CARMIL1: variants seen among roughly 807,000 people sequenced by gnomAD.
The protein encoded by CARMIL1 is capping protein regulator and myosin 1 linker 1, also known as F-actin-uncapping protein LRRC16A.
Under a neutral mutation model 177.1 loss-of-function variants are expected in CARMIL1, and 90 were observed. The ratio of observed to expected loss-of-function variants is 0.51; its 90% CI spans 0.43 to 0.61. CARMIL1 has a LOEUF of 0.61. Among genes scored for constraint, CARMIL1 ranks in the 20% least tolerant of loss-of-function variants. The pLI, the probability that CARMIL1 is intolerant of heterozygous loss-of-function variation, is 0.00. For missense variants in CARMIL1, 1,380 were observed against 1,667.0 expected (o/e 0.83, Z 3.00); for synonymous variants, 577 against 606.2 (o/e 0.95, Z 0.71).
chr6:25,463,853 C>T (rs1388807227), intron 8 of CARMIL1, among the ~76,000 whole-genome samples: 3 of 118,606 alleles, frequency 2.5e-5, no homozygotes, highest in Admixed American at 1.0e-4. Flanking sequence ...GACGGAGTCT[C>T]GCTCTGTCGC....
chr6:25,525,222 T>G (rs1437977975), intron 23 of CARMIL1, among the ~76,000 whole-genome samples: 1 of 152,084 alleles, frequency 6.6e-6, no homozygotes, highest in Non-Finnish European at 1.5e-5. Flanking sequence ...AGAAAATCTT[T>G]AGAGAACATA....
chr6:25,409,640 C>T (rs948416843), intron 2 of CARMIL1, among the ~76,000 whole-genome samples: 31 of 152,110 alleles, frequency 2.0e-4, no homozygotes, highest in African/African-American at 5.3e-4. Context: ...CATATGGTAC[C>T]GTATGCTAGT....
In CARMIL1 at chr6:25,529,949, G is replaced by A. The variant is rs1240309986; in HGVS notation, c.2067+1056G>A. Reference sequence around the variant, plus strand: ...ACCTTTATAGCTTATAATAAAAAAAGACATTAAAAATATGAAAGCAAAGTA... The same window carrying A: ...ACCTTTATAGCTTATAATAAAAAAAAACATTAAAAATATGAAAGCAAAGTA... On this transcript the variant is annotated intron_variant, in intron 24 of 36. Transcript: ENST00000329474. Among the ~76,000 whole-genome samples, 4 of 151,954 alleles carry A rather than the reference G, an allele frequency of 2.6e-5. No individual in the cohort carries two copies. The South Asian group carries it at 8.3e-4, about 32-fold the overall frequency.
chr6:25,428,709 TTTG>T (rs771088898), intron 4 of CARMIL1, among the ~76,000 whole-genome samples: 29 of 152,312 alleles, frequency 1.9e-4, no homozygotes, highest in Non-Finnish European at 3.8e-4. Context: ...CTGAGTGTAT[TTTG>T]TTGTAGCTTT....
chr6:25,476,818 C>A (rs762568385), intron 11 of CARMIL1, among the ~76,000 whole-genome samples: 1 of 152,008 alleles, frequency 6.6e-6, no homozygotes, highest in Non-Finnish European at 1.5e-5. Flanking sequence ...GGCCTGGGCG[C>A]GGTGGCTCAC....
intron 4 of CARMIL1, among the ~76,000 whole-genome samples, chr6:25,429,499 A>G (rs1204086025): frequency 6.6e-6 from 1 of 152,180 alleles, no homozygotes; most frequent in African/African-American, 2.4e-5. Flanking sequence ...TACTTATAAG[A>G]CAGTGCTGAA....
chr6:25,494,361 A>G (rs1803497223), intron 15 of CARMIL1, among the ~76,000 whole-genome samples: 1 of 152,124 alleles, frequency 6.6e-6, no homozygotes, highest in Non-Finnish European at 1.5e-5. Context: ...TTTCTATCAG[A>G]TAGAACAGAA....
At chr6:25,341,626 G>A (rs1786953276) in intron 2 of CARMIL1, among the ~76,000 whole-genome samples, 1 of 152,234 alleles carries the variant, frequency 6.6e-6, no homozygotes, top group African/African-American at 2.4e-5. Context: ...GGTGAAGCAG[G>A]AGAATCACTT....
Position 25,307,537 on chromosome 6 carries a change from A to G in CARMIL1, c.138+22628A>G, listed in dbSNP as rs528209451. ...AAAGAGATCCATTTACAAGAAGCAC[A>G]TTGGAATTATTTCCAGGTTTTGTTT... On this transcript the variant is annotated intron_variant, in intron 2 of 36. Coordinates refer to ENST00000329474, the MANE Select transcript of CARMIL1 (RefSeq NM_017640.6). Among the ~76,000 whole-genome samples the G allele has an allele frequency of 2.2e-4, 34 of 152,384 alleles. 1 individual carries two copies. The South Asian group carries it at 6.8e-3, about 31-fold the overall frequency.
rs999402046 is a variant in CARMIL1 at position 25,427,646 on chromosome 6, A to C, written c.249+1086A>C. Among the ~76,000 whole-genome samples the C allele has an allele frequency of 2.6e-5, 4 of 152,276 alleles. No homozygotes were observed. In the South Asian group the frequency reaches 8.3e-4, roughly 32 times the overall value. The stretch of plus-strand genomic sequence containing the variant: ...TTGAGAAACCGTCACACTTTTCCAC[A>C]GTGGTTTTACTATTTTACATTGTCC... On this transcript the variant is annotated intron_variant, in intron 4 of 36. Transcript: ENST00000329474.
intron 35 of CARMIL1, among the ~76,000 whole-genome samples, chr6:25,609,220 A>G (rs536970942): frequency 3.9e-4 from 59 of 152,098 alleles, no homozygotes; most frequent in African/African-American, 1.4e-3. Flanking sequence ...TAATCCCAAC[A>G]CTTTGGGAGG....
chr6:25,484,306 C>T (rs1203733650), intron 12 of CARMIL1, among the ~76,000 whole-genome samples: 2 of 152,202 alleles, frequency 1.3e-5, no homozygotes, highest in South Asian at 2.1e-4. Flanking sequence ...ATGAGTGAAG[C>T]AAAGTCATCC....
At chr6:25,479,915 A>G (rs1801932158) in intron 11 of CARMIL1, among the ~76,000 whole-genome samples, 1 of 152,146 alleles carries the variant, frequency 6.6e-6, no homozygotes, top group African/African-American at 2.4e-5. Context: ...TTTGTTATTT[A>G]GAAATATATT....
chr6:25,383,870 G>C (rs775624896), intron 2 of CARMIL1, among the ~76,000 whole-genome samples: 2 of 151,924 alleles, frequency 1.3e-5, no homozygotes, highest in African/African-American at 2.4e-5. Flanking sequence ...GTGGAGTCTC[G>C]CTCTGTCGCC....
intron 2 of CARMIL1, 61 bp from the exon 3 acceptor site, chr6:25,420,053 C>T (rs529825276): frequency 1.5e-6 from 2 of 1,348,728 alleles, no homozygotes; most frequent in African/African-American, 2.9e-5. Context: ...CGTGGAAACA[C>T]CAAAGCCCAC....
At chr6:25,456,728 G>T (rs9467520) in intron 8 of CARMIL1, among the ~76,000 whole-genome samples, 84,300 of 151,950 alleles carry the variant, frequency 0.55, 23,450 homozygotes, top group South Asian at 0.66. Flanking sequence ...TCGATTTCTC[G>T]TGTTCCTGAC....
chr6:25,480,656 T>A (rs1051473534), intron 11 of CARMIL1, among the ~76,000 whole-genome samples: 11 of 148,212 alleles, frequency 7.4e-5, no homozygotes, highest in South Asian at 2.1e-4. Context: ...TTAAATTATT[T>A]ATATTTAATT....
intron 24 of CARMIL1, among the ~76,000 whole-genome samples, chr6:25,532,420 G>A (rs1807861252): frequency 6.6e-6 from 1 of 152,166 alleles, no homozygotes; most frequent in Admixed American, 6.5e-5. Flanking sequence ...AATTATCTGA[G>A]TTATGTAGTA....
chr6:25,586,322 G>A (rs1582444975), intron 31 of CARMIL1, among the ~76,000 whole-genome samples: 2 of 150,570 alleles, frequency 1.3e-5, no homozygotes, highest in South Asian at 2.1e-4. Context: ...AGACGGGGTC[G>A]CGGCCGGGCA....
Sources: allele counts gnomAD v4.1 joint callset (sites outside exome capture counted in the v4.1 genomes callset), GRCh38; gene constraint gnomAD v4.1.1; transcripts MANE v1.5; gene names NCBI Gene and HGNC (gene_info 2026-07-23, HGNC 2026-07-21).